Variants in GLIS3 observed in about 807,000 individuals in gnomAD.
The protein encoded by GLIS3 is GLIS family zinc finger 3, also known as zinc finger protein GLIS3.
In GLIS3, 53 loss-of-function variants were observed where a neutral mutation model predicts 78.6. That is an observed-to-expected ratio of 0.67 (90% CI 0.54 to 0.85). The LOEUF is 0.85. Among genes scored for constraint, GLIS3 ranks in the 40% least tolerant of loss-of-function variants. GLIS3 has a pLI of 0.00. For synonymous variants in GLIS3, 684 were observed against 509.9 expected (o/e 1.34, Z -4.60); for missense variants, 1,703 against 1,231.1 (o/e 1.38, Z -5.74).
chr9:4,371,693 C>A, the GLIS3 span, among the ~76,000 whole-genome samples: 2 of 152,130 alleles, frequency 1.3e-5, no homozygotes, highest in Non-Finnish European at 2.9e-5. Flanking sequence ...ACTCACTACT[C>A]CATTGTGGCA....
chr9:3,892,095 C>T (rs925327477), intron 7 of GLIS3, among the ~76,000 whole-genome samples: 7 of 152,058 alleles, frequency 4.6e-5, no homozygotes, highest in African/African-American at 7.2e-5. Context: ...TTAGTAGAAA[C>T]GCCAGGGTAA....
intron 1 of GLIS3, among the ~76,000 whole-genome samples, chr9:4,292,277 T>C (rs528483509): frequency 4.6e-5 from 7 of 152,310 alleles, no homozygotes; most frequent in Admixed American, 1.3e-4. Context: ...ATAGAAGCTA[T>C]TGGAGTGCAT....
chr9:3,979,162 T>C lies in GLIS3; in HGVS notation c.1711-41973A>G, dbSNP rs570787322. Among the ~76,000 whole-genome samples the C allele has an allele frequency of 3.3e-5, 5 of 152,332 alleles. No homozygotes were observed. In the South Asian group the frequency reaches 1.0e-3, roughly 32 times the overall value. ...TATGTTTCTTAGAAGCATCTTCTCC[T>C]GGATCAGATCCTGACAAAACACTCT... On this transcript the variant is annotated intron_variant, in intron 4 of 10. Transcript: ENST00000381971.
chr9:3,909,750 T>G (rs1042923228), intron 6 of GLIS3, among the ~76,000 whole-genome samples: 1 of 152,110 alleles, frequency 6.6e-6, no homozygotes, highest in Non-Finnish European at 1.5e-5. Context: ...AACATAGAAT[T>G]TCAGAGCAAA....
chr9:4,223,338 C>T (rs1211937449), intron 2 of GLIS3, among the ~76,000 whole-genome samples: 1 of 152,176 alleles, frequency 6.6e-6, no homozygotes, highest in Non-Finnish European at 1.5e-5. Flanking sequence ...GATACACAGC[C>T]TAACACTGCT....
chr9:3,929,963 TAAC>T (rs1038022465), intron 6 of GLIS3, among the ~76,000 whole-genome samples: 7 of 152,196 alleles, frequency 4.6e-5, no homozygotes, highest in African/African-American at 1.7e-4. Flanking sequence ...CAAGGTCTAG[TAAC>T]AACATTGTAC....
the GLIS3 span, among the ~76,000 whole-genome samples, chr9:4,421,370 A>G: frequency 6.6e-6 from 1 of 152,250 alleles, no homozygotes; most frequent in Non-Finnish European, 1.5e-5. Context: ...ATTGGCTAAT[A>G]AAAGCTGCTG....
chr9:4,139,189 C>G (rs1293820836), intron 2 of GLIS3, among the ~76,000 whole-genome samples: 1 of 152,184 alleles, frequency 6.6e-6, no homozygotes, highest in Non-Finnish European at 1.5e-5. Flanking sequence ...ATCTCTCAAC[C>G]TGCTTTTTCC....
chr9:4,146,582 G>GA (rs1351688520), intron 2 of GLIS3, among the ~76,000 whole-genome samples: 13 of 152,070 alleles, frequency 8.5e-5, no homozygotes, highest in African/African-American at 3.1e-4. Flanking sequence ...ACATAAGATT[G>GA]AAAAGAATAA....
intron 2 of GLIS3, among the ~76,000 whole-genome samples, chr9:4,240,584 A>C (rs1823206760): frequency 6.6e-6 from 1 of 152,234 alleles, no homozygotes; most frequent in South Asian, 2.1e-4. Context: ...CTAATATTAC[A>C]CTTTATCTTC....
chr9:4,218,867 A>C (rs927073564), intron 2 of GLIS3, among the ~76,000 whole-genome samples: 1 of 152,046 alleles, frequency 6.6e-6, no homozygotes, highest in African/African-American at 2.4e-5. Flanking sequence ...ACAGCTCCCA[A>C]CTCTAAACAC....
At chr9:4,153,090 G>A (rs1364803647) in intron 2 of GLIS3, among the ~76,000 whole-genome samples, 2 of 152,054 alleles carry the variant, frequency 1.3e-5, no homozygotes, top group African/African-American at 2.4e-5. Flanking sequence ...CACCCCTCGT[G>A]GTGACAACCA....
chr9:4,360,608 A>T, the GLIS3 span, among the ~76,000 whole-genome samples: 1 of 152,218 alleles, frequency 6.6e-6, no homozygotes, highest in Non-Finnish European at 1.5e-5. Context: ...TTATAAAAGA[A>T]AAAATTGAGG....
intron 2 of GLIS3, among the ~76,000 whole-genome samples, chr9:4,311,331 C>A (rs1023888521): frequency 2.6e-5 from 4 of 152,174 alleles, no homozygotes; most frequent in Non-Finnish European, 5.9e-5. Flanking sequence ...ATCACTTGAG[C>A]TGGAGAGGTG....
At chr9:4,373,991 T>C in the GLIS3 span, among the ~76,000 whole-genome samples, 9 of 152,208 alleles carry the variant, frequency 5.9e-5, no homozygotes, top group South Asian at 1.9e-3. Context: ...AAACTGTGAC[T>C]ATTGAACAAT....
chr9:4,139,735 A>G (rs1388700701), intron 2 of GLIS3, among the ~76,000 whole-genome samples: 1 of 152,170 alleles, frequency 6.6e-6, no homozygotes, highest in Non-Finnish European at 1.5e-5. Context: ...CATTATAATT[A>G]GATTCTCGTA....
At chr9:3,958,330 C>G (rs771725388) in intron 4 of GLIS3, among the ~76,000 whole-genome samples, 9 of 152,100 alleles carry the variant, frequency 5.9e-5, no homozygotes, top group Admixed American at 5.2e-4. Context: ...ATGGGCCAGA[C>G]GCTTACATAA....
chr9:3,938,936 C>G (rs1265565968), intron 4 of GLIS3, among the ~76,000 whole-genome samples: 3 of 152,154 alleles, frequency 2.0e-5, no homozygotes, highest in Admixed American at 6.5e-5. Context: ...CTGACCAAAC[C>G]TCTGTTTTTA....
the GLIS3 span, among the ~76,000 whole-genome samples, chr9:4,366,090 C>T: frequency 6.6e-6 from 1 of 152,020 alleles, no homozygotes; most frequent in South Asian, 2.1e-4. Flanking sequence ...GTATGGGGCA[C>T]CCAGAAGACA....
Sources: allele counts gnomAD v4.1 joint callset (sites outside exome capture counted in the v4.1 genomes callset), GRCh38; gene constraint gnomAD v4.1.1; transcripts MANE v1.5; gene names NCBI Gene and HGNC (gene_info 2026-07-23, HGNC 2026-07-21).